Variants in TNNI3K observed in about 807,000 individuals in gnomAD.
TNNI3K encodes the protein TNNI3 interacting kinase.
TNNI3K carries 140 observed loss-of-function variants against 114.5 expected under a neutral mutation model. That is an observed-to-expected ratio of 1.22 (90% CI 1.07 to 1.41). The LOEUF (loss-of-function observed/expected upper bound fraction) is 1.41, where lower values mean the gene tolerates loss of function less well. Ranked by LOEUF, TNNI3K falls within the 40% of genes most tolerant of loss-of-function variation. TNNI3K has a pLI of 0.00. For missense variants in TNNI3K, 1,125 were observed against 1,007.6 expected (o/e 1.12, Z -1.58); for synonymous variants, 347 against 347.5 (o/e 1.00, Z 0.02).
At chr1:74,347,359 C>A (rs1298108566) in intron 9 of TNNI3K, among the ~76,000 whole-genome samples, 2 of 151,844 alleles carry the variant, frequency 1.3e-5, no homozygotes, top group Non-Finnish European at 2.9e-5. Flanking sequence ...CATAGTATTC[C>A]ATGGTGTATA....
At chr1:74,456,681 G>A (rs1476016304) in intron 20 of TNNI3K, among the ~76,000 whole-genome samples, 14 of 152,202 alleles carry the variant, frequency 9.2e-5, no homozygotes, top group African/African-American at 9.6e-5. Flanking sequence ...CCTGTGTGAC[G>A]CCAGCTGGTT....
chr1:74,295,007 C>T (rs1186872149), intron 5 of TNNI3K, among the ~76,000 whole-genome samples: 1 of 151,562 alleles, frequency 6.6e-6, no homozygotes, highest in African/African-American at 2.4e-5. Context: ...TTAATATTTA[C>T]ATTTAAGACT....
chr1:74,479,310 T>C (rs537798471), intron 21 of TNNI3K, among the ~76,000 whole-genome samples: 2 of 152,358 alleles, frequency 1.3e-5, no homozygotes, highest in South Asian at 4.1e-4. Flanking sequence ...AGTGTCATTT[T>C]ATATTATTCA....
At chr1:74,523,207 A>G (rs1646458171) in intron 23 of TNNI3K, among the ~76,000 whole-genome samples, 1 of 152,224 alleles carries the variant, frequency 6.6e-6, no homozygotes, top group South Asian at 2.1e-4. Context: ...TGCTGGGAAG[A>G]TTAAATAAGG....
At chr1:74,289,486 G>GTCCTGTGCTATA (rs1657546821) in intron 5 of TNNI3K, among the ~76,000 whole-genome samples, 4 of 2,676 alleles carry the variant, frequency 1.5e-3, no homozygotes, top group Non-Finnish European at 3.2e-3. Flanking sequence ...CATAGGTAGT[G>GTCCTGTGCTATA]TCATTAGTCT....
chr1:74,303,902 T>A (rs1256750695), intron 5 of TNNI3K, among the ~76,000 whole-genome samples: 1 of 152,122 alleles, frequency 6.6e-6, no homozygotes, highest in Non-Finnish European at 1.5e-5. Flanking sequence ...GATTTAAGAC[T>A]TCAGTGGAGG....
chr1:74,398,610 G>T (rs529660099), intron 17 of TNNI3K, among the ~76,000 whole-genome samples: 1 of 152,188 alleles, frequency 6.6e-6, no homozygotes, highest in African/African-American at 2.4e-5. Flanking sequence ...CTCAGGCTGG[G>T]TGGAGGCCTT....
At chr1:74,261,885 T>A (rs1655696528) in intron 4 of TNNI3K, among the ~76,000 whole-genome samples, 1 of 152,120 alleles carries the variant, frequency 6.6e-6, no homozygotes, top group Non-Finnish European at 1.5e-5. Flanking sequence ...ATTTTATATA[T>A]GTATTACAAA....
chr1:74,491,251 C>T (rs755325317), intron 22 of TNNI3K, among the ~76,000 whole-genome samples: 1 of 152,162 alleles, frequency 6.6e-6, no homozygotes, highest in Non-Finnish European at 1.5e-5. Flanking sequence ...GAGAGAGTCT[C>T]GCTCTGTCTC....
intron 21 of TNNI3K, chr1:74,481,055 C>T (rs973148564): frequency 3.3e-6 from 2 of 610,820 alleles, no homozygotes; most frequent in Non-Finnish European, 5.9e-6. Context: ...TCAATATCCT[C>T]TGAGCAATCT....
At chr1:74,500,007 A>T (rs1449041097) in intron 23 of TNNI3K, among the ~76,000 whole-genome samples, 3 of 151,800 alleles carry the variant, frequency 2.0e-5, no homozygotes, top group Non-Finnish European at 4.4e-5. Flanking sequence ...TTTGAATATG[A>T]GCTATATTTC....
Position 74,250,753 on chromosome 1 carries a change from A to C in TNNI3K, c.317A>C (p.His106Pro). The change falls in exon 4 of 25, where the codon CAT becomes CCT. Residue 106 changes from histidine (H) to proline (P), a missense_variant. By Grantham distance (77) the His-to-Pro change is moderately conservative. Transcript: ENST00000326637. ...RLTRNGFTAL[H>P]LAVYKDNAEL... ...ACAAGAAATGGATTTACAGCCTTGCATTTAGCAGTTTACAAGGTAGGACAC... is the reference window on the plus strand; with the variant it reads ...ACAAGAAATGGATTTACAGCCTTGCCTTTAGCAGTTTACAAGGTAGGACAC... 6.2e-7 allele frequency: 1 copy of C among 1,611,958 alleles called. No individual in the cohort carries two copies. The highest frequency in any genetic ancestry group is 8.5e-7 in the Non-Finnish European group (1 of 1,179,112).
chr1:74,237,375 TTG>T (rs1323463569), intron 2 of TNNI3K, among the ~76,000 whole-genome samples: 1 of 152,000 alleles, frequency 6.6e-6, no homozygotes, highest in Non-Finnish European at 1.5e-5. Flanking sequence ...ATTTGTTTTG[TTG>T]GAAAAGTATG....
intron 17 of TNNI3K, among the ~76,000 whole-genome samples, chr1:74,417,664 G>A (rs1369173110): frequency 2.0e-5 from 3 of 147,674 alleles, no homozygotes; most frequent in African/African-American, 7.5e-5. Context: ...AAGTAGTTAA[G>A]GAGAAAAGTG....
At chr1:74,325,707 A>C (rs1659863481) in intron 5 of TNNI3K, among the ~76,000 whole-genome samples, 1 of 152,102 alleles carries the variant, frequency 6.6e-6, no homozygotes. Flanking sequence ...AAGGTAGAGG[A>C]AAGTTGGAGA....
chr1:74,536,438 AT>A (rs1263536327), intron 23 of TNNI3K, among the ~76,000 whole-genome samples: 1 of 152,144 alleles, frequency 6.6e-6, no homozygotes, highest in Non-Finnish European at 1.5e-5. Context: ...TAGTAAAAAT[AT>A]TTTTTAAAAA....
intron 23 of TNNI3K, among the ~76,000 whole-genome samples, chr1:74,533,350 A>T (rs1646616753): frequency 6.6e-6 from 1 of 152,192 alleles, no homozygotes; most frequent in African/African-American, 2.4e-5. Flanking sequence ...TGCAAATCAA[A>T]ACCACAATGA....
chr1:74,498,565 A>C (rs1195690615), intron 23 of TNNI3K, among the ~76,000 whole-genome samples: 1 of 152,156 alleles, frequency 6.6e-6, no homozygotes, highest in African/African-American at 2.4e-5. Context: ...AAACTAGGAA[A>C]ATTATTAGTT....
At chr1:74,412,390 A>G (rs1036592356) in intron 17 of TNNI3K, among the ~76,000 whole-genome samples, 1 of 152,114 alleles carries the variant, frequency 6.6e-6, no homozygotes, top group Non-Finnish European at 1.5e-5. Context: ...CAAACACGAC[A>G]CAAGCAGAGG....
Sources: gnomAD v4.1 joint callset for allele counts (sites outside exome capture counted in the v4.1 genomes callset) on GRCh38, gnomAD v4.1.1 for gene constraint, MANE v1.5 for transcripts, NCBI Gene and HGNC (gene_info 2026-07-23, HGNC 2026-07-21) for gene names.